The following HDX variants were observed in gnomAD, a reference collection of about 807,000 sequenced individuals.
HDX encodes highly divergent homeobox.
A neutral mutation model predicts 45.2 loss-of-function variants in HDX; 19 were observed. The observed-to-expected ratio is 0.42, with a 90% CI of 0.29 to 0.62. The LOEUF (loss-of-function observed/expected upper bound fraction) is 0.62, where lower values mean the gene tolerates loss of function less well. Among genes scored for constraint, HDX ranks in the 20% least tolerant of loss-of-function variants. The pLI, the probability that HDX is intolerant of heterozygous loss-of-function variation, is 0.20. For missense variants in HDX, 532 were observed against 493.9 expected (o/e 1.08, Z -0.73); for synonymous variants, 188 against 172.8 (o/e 1.09, Z -0.69).
intron 6 of HDX, among the ~76,000 whole-genome samples, chrX:84,354,036 C>A (rs1157917137): frequency 9.0e-6 from 1 of 111,097 alleles, no homozygotes; most frequent in African/African-American, 3.3e-5. Context: ...GATTAGAAAC[C>A]CCTACTTTAA....
intron 6 of HDX, among the ~76,000 whole-genome samples, chrX:84,350,242 T>G (rs201394356): frequency 9.0e-6 from 1 of 111,385 alleles, no homozygotes; most frequent in East Asian, 2.8e-4. Flanking sequence ...AGGTTTGTCT[T>G]GTGGTCCAGG....
intron 5 of HDX, among the ~76,000 whole-genome samples, chrX:84,395,467 G>A (rs2038540350): frequency 9.1e-6 from 1 of 109,984 alleles, no homozygotes; most frequent in African/African-American, 3.3e-5. Context: ...TCATTTATAG[G>A]TGTCTAGATG....
chrX:84,328,309 T>C (rs1235698955), intron 9 of HDX, among the ~76,000 whole-genome samples: 1 of 110,610 alleles, frequency 9.0e-6, no homozygotes, highest in Non-Finnish European at 1.9e-5. Flanking sequence ...GAGTTTGAGG[T>C]TGTGGTGAGC....
rs1220751208 is a variant in HDX, at chrX:84,408,499, G to GTTTTTTTTTTTTTTTTTT, written c.1305+32015_1305+32032dup. Among the ~76,000 whole-genome samples, 14 of 44,435 alleles carry GTTTTTTTTTTTTTTTTTT rather than the reference G, an allele frequency of 3.2e-4. 1 individual carries two copies. Among genetic ancestry groups the GTTTTTTTTTTTTTTTTTT allele is most frequent in the Non-Finnish European group, 4.7e-4 (12 of 25,460 alleles). 38.6% of individuals were successfully genotyped at this position (44,435 alleles called of 115,157 possible). On this transcript the variant is annotated intron_variant, in intron 5 of 10. Transcript: ENST00000373177. ...TGCATAAAGTGATGCCTCCAGCTTT[G>GTTTTTTTTTTTTTTTTTT]TTTTTTTTTTTTTTTTTTTTTTTGC...
chrX:84,355,225 C>T lies in HDX; in HGVS notation c.1452+6241G>A, dbSNP rs188490960. ...TAAGTCCCGCAAAATGTATCTCAAT[C>T]ATAAAATATGTTGATTCTATCAATA... On this transcript the variant is annotated intron_variant, in intron 6 of 10. Transcript: ENST00000373177. Among the ~76,000 whole-genome samples the T allele has an allele frequency of 5.7e-4, 63 of 110,007 alleles. 2 individuals carry two copies. In the Admixed American group the frequency reaches 5.8e-3, roughly 10 times the overall value.
chrX:84,449,955 G>T (rs1269603098), intron 4 of HDX, among the ~76,000 whole-genome samples: 1 of 109,904 alleles, frequency 9.1e-6, no homozygotes, highest in Non-Finnish European at 1.9e-5. Context: ...CGGGCCTGTT[G>T]TGGGGTGGGG....
chrX:84,436,907 T>C (rs1366094790), intron 5 of HDX, among the ~76,000 whole-genome samples: 2 of 110,591 alleles, frequency 1.8e-5, no homozygotes, highest in East Asian at 5.7e-4. Flanking sequence ...ATTTTCTTTC[T>C]AGATGATCTG....
intron 5 of HDX, among the ~76,000 whole-genome samples, chrX:84,378,242 T>A (rs1258985303): frequency 1.8e-5 from 2 of 111,730 alleles, no homozygotes; most frequent in African/African-American, 6.5e-5. Context: ...ACCTGTTCTG[T>A]AAGAAATGTT....
intron 8 of HDX, 117 bp downstream of exon 8, chrX:84,336,684 T>C (rs1040077091): frequency 1.6e-5 from 8 of 507,479 alleles, no homozygotes; most frequent in Non-Finnish European, 2.3e-5. Context: ...AAGAGGTCTG[T>C]TTTGGTTTGT....
At chrX:84,373,756 T>A (rs2037962623) in intron 5 of HDX, among the ~76,000 whole-genome samples, 1 of 111,430 alleles carries the variant, frequency 9.0e-6, no homozygotes, top group Admixed American at 9.5e-5. Context: ...ATGGGACTTA[T>A]CTCAAAATAA....
chrX:84,356,685 C>T (rs1239228935), intron 6 of HDX, among the ~76,000 whole-genome samples: 3 of 92,897 alleles, frequency 3.2e-5, no homozygotes, highest in African/African-American at 4.2e-5. Context: ...TGCAGTGGCG[C>T]GATCTCGCCT....
chrX:84,319,208 T>C lies in HDX; in HGVS notation c.*2681A>G, dbSNP rs1416685996. On this transcript the variant is annotated 3_prime_UTR_variant, in exon 11 of 11. Coordinates refer to ENST00000373177, the MANE Select transcript of HDX (RefSeq NM_001177479.2). Reference sequence around the variant, plus strand: ...TCTCCCTGAGAGAGCCTTCAGATAGTAAGGTCTGTTTTAATAATCTCAAAG... The same window carrying C: ...TCTCCCTGAGAGAGCCTTCAGATAGCAAGGTCTGTTTTAATAATCTCAAAG... The C allele has an allele frequency of 9.0e-6, 1 of 110,595 alleles. No homozygotes were observed. The highest frequency in any genetic ancestry group is 1.9e-5 in the Non-Finnish European group (1 of 52,384). 9.1% of individuals were successfully genotyped at this position (110,595 alleles called of 1,213,427 possible).
At chrX:84,416,877 G>A (rs922966247) in intron 5 of HDX, among the ~76,000 whole-genome samples, 2 of 111,026 alleles carry the variant, frequency 1.8e-5, no homozygotes, top group Non-Finnish European at 3.8e-5. Context: ...AGTCCTGGCC[G>A]GGCATGGTGG....
At chrX:84,423,234 A>C (rs2039305673) in intron 5 of HDX, among the ~76,000 whole-genome samples, 1 of 110,156 alleles carries the variant, frequency 9.1e-6, no homozygotes, top group African/African-American at 3.3e-5. Context: ...ACAAGTAATG[A>C]GATCAAAGCC....
At chrX:84,400,307 A>G (rs1316207573) in intron 5 of HDX, among the ~76,000 whole-genome samples, 1 of 110,031 alleles carries the variant, frequency 9.1e-6, no homozygotes, top group African/African-American at 3.3e-5. Context: ...AGAAAACTCC[A>G]TAGTCTCAGC....
chrX:84,428,776 T>C (rs2039440891), intron 5 of HDX, among the ~76,000 whole-genome samples: 1 of 110,896 alleles, frequency 9.0e-6, no homozygotes, highest in Non-Finnish European at 1.9e-5. Context: ...GAAATCTAAG[T>C]AATCTTTGCC....
intron 4 of HDX, among the ~76,000 whole-genome samples, chrX:84,440,882 C>T (rs979403466): frequency 6.3e-5 from 7 of 110,481 alleles, no homozygotes; most frequent in Non-Finnish European, 1.3e-4. Context: ...ATAGATAATA[C>T]ATTTGTTATA....
intron 6 of HDX, among the ~76,000 whole-genome samples, chrX:84,346,317 A>G (rs1602282534): frequency 9.0e-6 from 1 of 111,161 alleles, no homozygotes; most frequent in South Asian, 3.7e-4. Flanking sequence ...ACATTACATT[A>G]AACATTGTTT....
At chrX:84,369,954 C>T (rs751594004) in intron 5 of HDX, among the ~76,000 whole-genome samples, 2 of 111,924 alleles carry the variant, frequency 1.8e-5, no homozygotes, top group South Asian at 3.7e-4. Flanking sequence ...TTTGACTGGG[C>T]TAAGGGGTGC....
Sources: allele counts gnomAD v4.1 joint callset (sites outside exome capture counted in the v4.1 genomes callset), GRCh38; gene constraint gnomAD v4.1.1; transcripts MANE v1.5; gene names NCBI Gene and HGNC (gene_info 2026-07-23, HGNC 2026-07-21).